APOB: variants seen among roughly 807,000 people sequenced by gnomAD.
The protein encoded by APOB is apolipoprotein B-100.
In APOB, 153 loss-of-function variants were observed where a neutral mutation model predicts 314.1. The ratio of observed to expected loss-of-function variants is 0.49; its 90% CI spans 0.43 to 0.56. The LOEUF (loss-of-function observed/expected upper bound fraction) is 0.56. Ranked by LOEUF, APOB falls within the 20% of genes least tolerant of loss-of-function variation. The probability of loss-of-function intolerance (pLI) is 0.00; values close to 1 mark genes in which losing one functional copy is unlikely to be tolerated. For synonymous variants in APOB, 2,087 were observed against 2,036.4 expected (o/e 1.02, Z -0.67); for missense variants, 5,430 against 5,350.7 (o/e 1.01, Z -0.46).
chr2:21,029,977 A>G lies in APOB; in HGVS notation c.1391T>C (p.Leu464Pro). The change falls in exon 11 of 29, where the codon CTG becomes CCG. Residue 464 changes from leucine to proline, a missense_variant. By Grantham distance (98) the Leu-to-Pro change is moderately conservative. This residue lies in a region of APOB where 2,085 missense variants were observed against 2,079.7 expected (regional missense o/e 1.00). Coordinates refer to ENST00000233242, the MANE Select transcript of APOB (RefSeq NM_000384.3). ...TTCCATCAGGTAATTAGCAATGTCC[A>G]GCAGCTCCTGGGTCCCTGTAGGGTT... ...KTNPTGTQEL[L>P]DIANYLMEQI... 6.2e-7 allele frequency: 1 copy of G among 1,614,042 alleles called. No homozygotes were observed.
At position 21,009,083 on chromosome 2, in the gene APOB, C is replaced by T; in HGVS notation, c.7785G>A (p.Gly2595=). ...FTVPEIKTIL[G]TMPAFEVSLQ... ...GACTGACTTCAAAGGCAGGCATGGT[C>T]CCAAGGATGGTCTTGATTTCAGGAA... is the stretch of plus-strand genomic sequence containing the variant. The change falls in exon 26 of 29, where the codon GGG becomes GGA. Residue 2595 remains glycine (G), a synonymous_variant. Transcript: ENST00000233242. 6.2e-7 allele frequency: 1 copy of T among 1,614,014 alleles called. No individual in the cohort carries two copies.
At chr2:21,017,427 T>A in intron 20 of APOB, among the ~76,000 whole-genome samples, 1 of 152,176 alleles carries the variant, frequency 6.6e-6, no homozygotes, top group East Asian at 1.9e-4. Context: ...GAAGTGTTAT[T>A]TCATACTTGG....
In APOB at chr2:21,014,581, A is replaced by G. The variant is rs935161396; in HGVS notation, c.3709T>C (p.Trp1237Arg). 3.7e-6 allele frequency: 6 copies of G among 1,613,994 alleles called. No individual in the cohort carries two copies. In the African/African-American group the frequency reaches 4.0e-5, roughly 11 times the overall value. Reference protein sequence around the residue: ...GSKLIVAMSSWLQKASGSLPY... With the variant: ...GSKLIVAMSSRLQKASGSLPY... The stretch of plus-strand genomic sequence containing the variant: ...AGACTCCCAGATGCCTTCTGAAGCC[A>G]TGAGCTCATTGCCTACAAAATGACA... Residue 1237 changes from tryptophan (W) to arginine (R), a missense_variant, in exon 24 of 29, where the codon TGG becomes CGG. Around this residue, in one of 3 missense-constraint regions of APOB, gnomAD observed 2,085 missense variants for 2,079.7 expected, o/e 1.00. Coordinates refer to ENST00000233242, the MANE Select transcript of APOB (RefSeq NM_000384.3).
intron 15 of APOB, among the ~76,000 whole-genome samples, chr2:21,025,715 C>T (rs574924919): frequency 5.9e-5 from 9 of 152,236 alleles, no homozygotes; most frequent in Non-Finnish European, 1.0e-4. Context: ...CAACAGTGAG[C>T]CTGGAGGGGT....
intron 1 of APOB, 86 bp from the exon 2 acceptor site, chr2:21,043,637 T>A (rs1664190671): frequency 3.9e-6 from 6 of 1,541,528 alleles, no homozygotes; most frequent in South Asian, 3.6e-5. Context: ...CCGGCACAGG[T>A]TTCACCTTTC....
chr2:21,026,532 A>G (rs190552864), intron 15 of APOB, among the ~76,000 whole-genome samples: 51 of 151,776 alleles, frequency 3.4e-4, no homozygotes, highest in East Asian at 1.9e-3. Context: ...ACAGGCATGA[A>G]CCACCACACC....
chr2:21,008,445 A>G lies in APOB; in HGVS notation c.8423T>C (p.Phe2808Ser). The change falls in exon 26 of 29, where the codon TTT becomes TCT. Residue 2808 changes from phenylalanine (F) to serine (S), a missense_variant. By Grantham distance (155) the Phe-to-Ser change is radical. Around this residue, in one of 3 missense-constraint regions of APOB, gnomAD observed 3,281 missense variants for 3,171.0 expected, o/e 1.03. Transcript: ENST00000233242. ...GTTTGAGAGTTGTGCATTTGCTTGA[A>G]AATCAAAATTGAGAACTTCTAATTT... ...ESKLEVLNFD[F>S]QANAQLSNPK... 1 of 1,614,108 alleles carries G rather than the reference A, an allele frequency of 6.2e-7. No individual in the cohort carries two copies. Among genetic ancestry groups the G allele is most frequent in the East Asian group, 2.2e-5 (1 of 44,874 alleles).
intron 23 of APOB, among the ~76,000 whole-genome samples, chr2:21,014,794 C>T (rs1219613272): frequency 2.0e-5 from 3 of 152,234 alleles, no homozygotes; most frequent in Admixed American, 1.3e-4. Flanking sequence ...GAATGTCTAA[C>T]ATAGTCAGCC....
chr2:21,033,982 T>C (rs1218172665), intron 8 of APOB, among the ~76,000 whole-genome samples: 2 of 152,194 alleles, frequency 1.3e-5, no homozygotes, highest in African/African-American at 2.4e-5. Context: ...TTGAAATAAT[T>C]GGTGAGGAGG....
At chr2:21,023,745 T>C (rs1401693894) in intron 16 of APOB, 53 bp from the exon 17 acceptor site, 1 of 1,509,260 alleles carries the variant, frequency 6.6e-7, no homozygotes, top group Non-Finnish European at 9.0e-7. Context: ...TAAAGTCGGT[T>C]TTGTTAATTA....
Position 21,001,763 on chromosome 2 carries a change from C to A in APOB, c.13659G>T (p.Lys4553Asn), listed in dbSNP as rs886055570. ...TGATAGTAAGTTCTCCTGGAGCAAG[C>A]TTCATGTAGGGGTTCATGACTGTGG... ...QSTTVMNPYM[K>N]LAPGELTIIL Residue 4553 changes from lysine to asparagine, a missense_variant, in exon 29 of 29, where the codon AAG becomes AAT. Transcript: ENST00000233242. 3.7e-6 allele frequency: 6 copies of A among 1,613,944 alleles called. No homozygotes were observed. The highest frequency in any genetic ancestry group is 5.1e-6 in the Non-Finnish European group (6 of 1,179,924).
Position 21,012,605 on chromosome 2 carries a change from T to C in APOB, c.4263A>G (p.Ser1421=), listed in dbSNP as rs1202689940. ...TYDHKNTFTL[S]CDGSLRHKFL... is the part of the protein sequence containing the mutation. ...ATTTGTGGCGTAGAGACCCATCACA[T>C]GATAGTGTGAACGTATTCTTGTGGT... Residue 1421 remains serine, a synonymous_variant, in exon 26 of 29, where the codon TCA becomes TCG. Transcript: ENST00000233242. The C allele has an allele frequency of 1.2e-6, 2 of 1,610,708 alleles. No individual in the cohort carries two copies. Among genetic ancestry groups the C allele is most frequent in the Non-Finnish European group, 1.7e-6 (2 of 1,177,122 alleles).
Position 21,007,312 on chromosome 2 carries a change from T to C in APOB, c.9556A>G (p.Ile3186Val), listed in dbSNP as rs1434021384. 1 of 1,614,022 alleles carries C rather than the reference T, an allele frequency of 6.2e-7. No individual in the cohort carries two copies. Among genetic ancestry groups the C allele is most frequent in the South Asian group, 1.1e-5 (1 of 91,078 alleles). The change falls in exon 26 of 29, where the codon ATC becomes GTC. Residue 3186 changes from isoleucine to valine, a missense_variant. By Grantham distance (29) the Ile-to-Val change is conservative (BLOSUM62 3). This residue lies in a region of APOB where 3,281 missense variants were observed against 3,171.0 expected (regional missense o/e 1.03). Transcript: ENST00000233242. ...QYKKNKHRHSITNPLAVLCEF... is the reference protein window; with the variant it reads ...QYKKNKHRHSVTNPLAVLCEF... Reference sequence around the variant, plus strand: ...CAAAGCACAGCCAAAGGATTTGTGATGGAATGCCTGTGTTTGTTTTTCTTA... The same window carrying C: ...CAAAGCACAGCCAAAGGATTTGTGACGGAATGCCTGTGTTTGTTTTTCTTA...
In APOB at chr2:21,024,940, G is replaced by C; in HGVS notation, c.2429C>G (p.Pro810Arg). The change falls in exon 16 of 29, where the codon CCC (proline) becomes CGC (arginine). Residue 810 changes from proline to arginine, a missense_variant. Pro to Arg is a moderately radical substitution (Grantham distance 103). Around this residue, in one of 3 missense-constraint regions of APOB, gnomAD observed 2,085 missense variants for 2,079.7 expected, o/e 1.00. Transcript: ENST00000233242. ...LMGARTLQGIPQMIGEVIRKG... is the reference protein window; with the variant it reads ...LMGARTLQGIRQMIGEVIRKG... ...TGGGGCCTGCTGACTTACCATCTGG[G>C]GGATCCCCTGCAGAGTGCGGGCACC... 1.2e-6 allele frequency: 2 copies of C among 1,613,984 alleles called. No individual in the cohort carries two copies. The highest frequency in any genetic ancestry group is 8.5e-7 in the Non-Finnish European group (1 of 1,179,996).
Position 21,029,872 on chromosome 2 carries a change from T to C in APOB, c.1470+26A>G, listed in dbSNP as rs980915423. 2.5e-6 allele frequency: 4 copies of C among 1,607,928 alleles called. No homozygotes were observed. The African/African-American group carries it at 5.3e-5, about 21-fold the overall frequency. On this transcript the variant is annotated intron_variant, in intron 11 of 28. Coordinates refer to ENST00000233242, the MANE Select transcript of APOB (RefSeq NM_000384.3). ...CAGGAAAAGTGCTTCTGAAATGATG[T>C]ATGTCATATAAAAGACTGAGATTAC...
At chr2:21,025,790 C>A (rs79305829) in intron 15 of APOB, among the ~76,000 whole-genome samples, 1 of 152,156 alleles carries the variant, frequency 6.6e-6, no homozygotes, top group Non-Finnish European at 1.5e-5. Context: ...TGCTAAAATG[C>A]GCTTCTGATT....
At position 21,038,021 on chromosome 2, in the gene APOB, C is replaced by G. The variant is rs1664047405; in HGVS notation, c.474G>C (p.Arg158Ser). 1 of 1,614,040 alleles carries G rather than the reference C, an allele frequency of 6.2e-7. No individual in the cohort carries two copies. The highest frequency in any genetic ancestry group is 8.5e-7 in the Non-Finnish European group (1 of 1,180,036). Residue 158 changes from arginine (R) to serine (S), a missense_variant, in exon 5 of 29, where the codon AGG (arginine) becomes AGC (serine). Physicochemically the swap from Arg to Ser is moderately radical, Grantham distance 110. This residue lies in a region of APOB where 2,085 missense variants were observed against 2,079.7 expected (regional missense o/e 1.00). Coordinates refer to ENST00000233242, the MANE Select transcript of APOB (RefSeq NM_000384.3). The stretch of plus-strand genomic sequence containing the variant: ...GAACCAGGAGGGCAGAAATGATGCC[C>G]CTCTTGATGTTCAGGATGTAAGTAG... ...DEPTYILNIK[R>S]GIISALLVPP...
chr2:21,019,811 G>A lies in APOB; in HGVS notation c.2911C>T (p.Pro971Ser). ...CCTGAGGTGCAGTAATTCAGGCCAG[G>A]AAAGACTTGCTTGCAAACTGACCAG... ...QSWSVCKQVFPGLNYCTSGAY... is the reference protein window; with the variant it reads ...QSWSVCKQVFSGLNYCTSGAY... Residue 971 changes from proline (P) to serine (S), a missense_variant, in exon 19 of 29, where the codon CCT becomes TCT. This residue lies in a region of APOB where 2,085 missense variants were observed against 2,079.7 expected (regional missense o/e 1.00). Coordinates refer to ENST00000233242, the MANE Select transcript of APOB (RefSeq NM_000384.3). 1.9e-6 allele frequency: 3 copies of A among 1,614,174 alleles called. No individual in the cohort carries two copies. The highest frequency in any genetic ancestry group is 2.5e-6 in the Non-Finnish European group (3 of 1,180,036).
In APOB at chr2:21,010,456, C is replaced by T. The variant is rs749582365; in HGVS notation, c.6412G>A (p.Ala2138Thr). The change falls in exon 26 of 29, where the codon GCC (alanine) becomes ACC (threonine). Residue 2138 changes from alanine (A) to threonine (T), a missense_variant. This residue lies in a region of APOB where 3,281 missense variants were observed against 3,171.0 expected (regional missense o/e 1.03). Transcript: ENST00000233242. ...GTGAGAGCAGTCAGTTTCTCCTTGG[C>T]ATGTGAAACTTGTCTCTCCCAATTG... ...SFNWERQVSH[A>T]KEKLTALTKK... The T allele has an allele frequency of 6.2e-7, 1 of 1,609,298 alleles. No homozygotes were observed. Among genetic ancestry groups the T allele is most frequent in the Admixed American group, 1.7e-5 (1 of 59,854 alleles).
Sources: allele counts gnomAD v4.1 joint callset (sites outside exome capture counted in the v4.1 genomes callset), GRCh38; gene constraint gnomAD v4.1.1; regional missense constraint gnomAD v4.1.1; transcripts MANE v1.5; gene names NCBI Gene and HGNC (gene_info 2026-07-23, HGNC 2026-07-21).